The following PIK3C2G variants were observed in gnomAD, a reference collection of about 807,000 sequenced individuals.
PIK3C2G encodes the protein phosphatidylinositol 3-kinase C2 domain-containing subunit gamma.
Under a neutral mutation model 181.1 loss-of-function variants are expected in PIK3C2G, and 168 were observed. That is an observed-to-expected ratio of 0.93 (90% confidence interval 0.82 to 1.05). The LOEUF (loss-of-function observed/expected upper bound fraction) is 1.05, where lower values mean the gene tolerates loss of function less well. Ranked by LOEUF, PIK3C2G falls within the 50% of genes least tolerant of loss-of-function variation. PIK3C2G has a pLI of 0.00. For missense variants in PIK3C2G, 1,869 were observed against 1,732.8 expected, an observed-to-expected ratio of 1.08 and a Z score of -1.40; for synonymous variants, 573 against 592.2, an observed-to-expected ratio of 0.97 and a Z score of 0.47.
chr12:18,491,555 C>A lies in PIK3C2G; in HGVS notation c.2790C>A (p.His930Gln). ...NPALCIKGID[H>Q]DACSYFTSNA... Reference sequence around the variant, plus strand: ...CCCTATGTATAAAAGGGATTGATCACGATGTAAGTCAACTTATTCCTCAGA... The same window carrying A: ...CCCTATGTATAAAAGGGATTGATCAAGATGTAAGTCAACTTATTCCTCAGA... The change falls in exon 20 of 33, where the codon CAC (histidine) becomes CAA (glutamine). Residue 930 changes from histidine to glutamine, a missense_variant. Transcript: ENST00000538779. 6.7e-7 allele frequency: 1 copy of A among 1,484,640 alleles called. No individual in the cohort carries two copies. 92.0% of individuals were successfully genotyped at this position (1,484,640 alleles called of 1,614,324 possible).
At chr12:18,274,493 A>G (rs564781870) in intron 1 of PIK3C2G, among the ~76,000 whole-genome samples, 12 of 152,264 alleles carry the variant, frequency 7.9e-5, no homozygotes, top group Admixed American at 1.3e-4. Flanking sequence ...ATGAGTTCAG[A>G]TCCTTTGTAG....
the PIK3C2G span, among the ~76,000 whole-genome samples, chr12:18,721,820 T>A: frequency 3.9e-5 from 6 of 152,108 alleles, no homozygotes; most frequent in South Asian, 1.2e-3. Context: ...CTGCAAAAAT[T>A]TAATGGTGCT....
rs111499022 is a variant in PIK3C2G, at chr12:18,284,705, A to C, written c.678+1946A>C. 2.0e-5 allele frequency among the ~76,000 whole-genome samples: 3 copies of C among 152,280 alleles called. No homozygotes were observed. The East Asian group carries it at 5.8e-4, about 29-fold the overall frequency. ...AACAAAGGAACAAAAACAAAGGCCA[A>C]GTCCAGCGCTGGAAACAAAACATAG... On this transcript the variant is annotated intron_variant, in intron 2 of 32. Coordinates refer to ENST00000538779, the MANE Select transcript of PIK3C2G (RefSeq NM_001288772.2).
At position 18,538,155 on chromosome 12, in the gene PIK3C2G, G is replaced by T; in HGVS notation, c.3324-1G>T. The T allele has an allele frequency of 3.1e-6, 5 of 1,608,172 alleles. No individual in the cohort carries two copies. The highest frequency in any genetic ancestry group is 4.2e-6 in the Non-Finnish European group (5 of 1,177,606). The stretch of plus-strand genomic sequence containing the variant: ...TGATTGCTACTGTTTTTGGTTTACA[G>T]GGACCGAGCTCCTTTCATTTTTACT... On this transcript the variant is annotated splice_acceptor_variant, in intron 24 of 32. Coordinates refer to ENST00000538779, the MANE Select transcript of PIK3C2G (RefSeq NM_001288772.2). LOFTEE classifies it high-confidence loss of function.
intron 29 of PIK3C2G, among the ~76,000 whole-genome samples, chr12:18,571,170 G>A (rs932921838): frequency 4.0e-5 from 6 of 150,590 alleles, no homozygotes; most frequent in Admixed American, 6.6e-5. Flanking sequence ...TGTGGCCATG[G>A]ATTTTTAGGA....
chr12:18,282,850 C>G (rs1425038453), intron 2 of PIK3C2G, 91 bp downstream of exon 2: 7 of 867,168 alleles, frequency 8.1e-6, no homozygotes, highest in Non-Finnish European at 1.2e-5. Context: ...GATAACTAAA[C>G]TTAAATAGGG....
intron 12 of PIK3C2G, among the ~76,000 whole-genome samples, chr12:18,364,337 C>T (rs73064587): frequency 0.14 from 21,961 of 152,122 alleles, 2,036 homozygotes; most frequent in Admixed American, 0.27. Flanking sequence ...TTATCTTTCA[C>T]GATGCATCTT....
chr12:18,445,437 TG>T (rs1302578753), intron 18 of PIK3C2G, among the ~76,000 whole-genome samples: 2 of 151,766 alleles, frequency 1.3e-5, no homozygotes, highest in Middle Eastern at 3.4e-3. Context: ...AAAAAATTGG[TG>T]GCAGCCTACT....
intron 18 of PIK3C2G, among the ~76,000 whole-genome samples, chr12:18,454,786 T>G (rs1332357554): frequency 6.6e-6 from 1 of 152,148 alleles, no homozygotes; most frequent in Non-Finnish European, 1.5e-5. Flanking sequence ...AAATTTCTCT[T>G]CTTAATTTGA....
rs373559777 is a variant in PIK3C2G, at chr12:18,334,453, T to G, written c.1273-3973T>G. On this transcript the variant is annotated intron_variant, in intron 8 of 32. Coordinates refer to ENST00000538779, the MANE Select transcript of PIK3C2G (RefSeq NM_001288772.2). Reference sequence around the variant, plus strand: ...ATAATGTTTTATTTTTCTTCTTTTTTGCCAAGCTAAAATTTTGTAATACCA... The same window carrying G: ...ATAATGTTTTATTTTTCTTCTTTTTGGCCAAGCTAAAATTTTGTAATACCA... 1.4e-4 allele frequency among the ~76,000 whole-genome samples: 22 copies of G among 152,298 alleles called. No homozygotes were observed. The East Asian group carries it at 2.9e-3, about 20-fold the overall frequency.
intron 11 of PIK3C2G, among the ~76,000 whole-genome samples, chr12:18,357,379 C>T (rs1037234452): frequency 6.6e-6 from 1 of 152,080 alleles, no homozygotes; most frequent in African/African-American, 2.4e-5. Context: ...TAAAAATATT[C>T]AAACACAGTA....
At chr12:18,336,363 T>C (rs1394335887) in intron 8 of PIK3C2G, among the ~76,000 whole-genome samples, 2 of 152,268 alleles carry the variant, frequency 1.3e-5, no homozygotes, top group Admixed American at 6.5e-5. Flanking sequence ...GACAATATTG[T>C]CTATGATGTT....
intron 5 of PIK3C2G, among the ~76,000 whole-genome samples, chr12:18,299,563 G>A (rs1467619379): frequency 6.6e-6 from 1 of 151,822 alleles, no homozygotes; most frequent in African/African-American, 2.4e-5. Flanking sequence ...TTGTGTGTAG[G>A]ACTTCCATTA....
At chr12:18,299,176 G>A (rs1950071325) in intron 5 of PIK3C2G, among the ~76,000 whole-genome samples, 1 of 151,884 alleles carries the variant, frequency 6.6e-6, no homozygotes, top group South Asian at 2.1e-4. Flanking sequence ...ACACGAGCAT[G>A]GGATGTCTTT....
intron 4 of PIK3C2G, among the ~76,000 whole-genome samples, chr12:18,292,929 G>A (rs1260771059): frequency 6.6e-6 from 1 of 152,108 alleles, no homozygotes; most frequent in African/African-American, 2.4e-5. Context: ...TATTGTTTAA[G>A]TGTGACACTT....
At chr12:18,437,307 G>T (rs377466705) in intron 18 of PIK3C2G, among the ~76,000 whole-genome samples, 8 of 151,844 alleles carry the variant, frequency 5.3e-5, no homozygotes, top group Non-Finnish European at 8.8e-5. Context: ...TTACTTTCTT[G>T]TTTATTGTCT....
intron 24 of PIK3C2G, among the ~76,000 whole-genome samples, chr12:18,516,797 T>C (rs1417371182): frequency 6.6e-6 from 1 of 152,000 alleles, no homozygotes; most frequent in African/African-American, 2.4e-5. Flanking sequence ...CTTTCTAGGA[T>C]TCCTATTTGG....
At chr12:18,628,338 C>T (rs1949193200) in intron 31 of PIK3C2G, among the ~76,000 whole-genome samples, 1 of 152,134 alleles carries the variant, frequency 6.6e-6, no homozygotes, top group African/African-American at 2.4e-5. Context: ...GTTTCACTTA[C>T]TTTATAAACA....
chr12:18,340,540 G>A (rs1939038469), intron 9 of PIK3C2G, among the ~76,000 whole-genome samples: 1 of 152,112 alleles, frequency 6.6e-6, no homozygotes, highest in Non-Finnish European at 1.5e-5. Context: ...TAACAAGGTA[G>A]TGAGAATTAA....
Sources: gnomAD v4.1 joint callset for allele counts (sites outside exome capture counted in the v4.1 genomes callset) on GRCh38, gnomAD v4.1.1 for gene constraint, MANE v1.5 for transcripts, NCBI Gene and HGNC (gene_info 2026-07-23, HGNC 2026-07-21) for gene names.